The following ABCA13 variants were observed in gnomAD, a reference collection of about 807,000 sequenced individuals.
ABCA13 encodes the protein ATP binding cassette subfamily A member 13.
ABCA13 carries 476 observed loss-of-function variants against 478.7 expected under a neutral mutation model. The observed-to-expected ratio is 0.99, with a 90% confidence interval of 0.92 to 1.07. The LOEUF is 1.07. ABCA13 is among the 50% of genes least tolerant of loss of function. The pLI, the probability that ABCA13 is intolerant of heterozygous loss-of-function variation, is 0.00. For missense variants in ABCA13, 6,060 were observed against 5,910.6 expected, an observed-to-expected ratio of 1.03 and a Z score of -0.83; for synonymous variants, 2,252 against 2,158.9, an observed-to-expected ratio of 1.04 and a Z score of -1.20.
chr7:48,199,952 T>C (rs1332487764), intron 3 of ABCA13, among the ~76,000 whole-genome samples: 4 of 152,220 alleles, frequency 2.6e-5, no homozygotes, highest in African/African-American at 9.7e-5. Flanking sequence ...ACTTCAAGTG[T>C]TGTGAATGTT....
chr7:48,388,644 T>A (rs1209122487), intron 36 of ABCA13, among the ~76,000 whole-genome samples: 3 of 152,248 alleles, frequency 2.0e-5, no homozygotes, highest in Middle Eastern at 3.2e-3. Flanking sequence ...TTTTTCTGAA[T>A]TATGAATCTT....
intron 56 of ABCA13, among the ~76,000 whole-genome samples, chr7:48,581,150 GAACTAGAAGC>G (rs1788668931): frequency 6.6e-6 from 1 of 152,128 alleles, no homozygotes; most frequent in African/African-American, 2.4e-5. Flanking sequence ...TCTGGATTCT[GAACTAGAAGC>G]AGAAATAAGT....
intron 1 of ABCA13, among the ~76,000 whole-genome samples, chr7:48,189,229 AG>A (rs1796766537): frequency 6.6e-6 from 1 of 152,196 alleles, no homozygotes; most frequent in Admixed American, 6.5e-5. Flanking sequence ...CCTATTTAAC[AG>A]GGGTAAGATT....
chr7:48,211,540 G>A (rs1785649716), intron 3 of ABCA13, among the ~76,000 whole-genome samples: 1 of 152,104 alleles, frequency 6.6e-6, no homozygotes, highest in African/African-American at 2.4e-5. Flanking sequence ...GCACTCCCAT[G>A]GTACCATGTT....
intron 43 of ABCA13, 146 bp downstream of exon 43, chr7:48,455,432 C>G: frequency 7.9e-7 from 1 of 1,262,400 alleles, no homozygotes; most frequent in Non-Finnish European, 1.1e-6. Context: ...ACGAGGAGAT[C>G]CTTGGAGAAG....
intron 28 of ABCA13, among the ~76,000 whole-genome samples, chr7:48,336,772 A>G (rs1259786696): frequency 6.6e-6 from 1 of 152,226 alleles, no homozygotes; most frequent in Non-Finnish European, 1.5e-5. Flanking sequence ...CATATGTATT[A>G]GCTAGTATTG....
chr7:48,175,104 C>A (rs1794662255), intron 1 of ABCA13, among the ~76,000 whole-genome samples: 1 of 152,210 alleles, frequency 6.6e-6, no homozygotes, highest in South Asian at 2.1e-4. Flanking sequence ...AGTGCAATGC[C>A]ATCAACATTG....
At chr7:48,577,742 C>T (rs777877272) in intron 55 of ABCA13, among the ~76,000 whole-genome samples, 38 of 152,030 alleles carry the variant, frequency 2.5e-4, no homozygotes, top group Admixed American at 7.2e-4. Flanking sequence ...CCAGCATTAT[C>T]ATAATACTGA....
intron 1 of ABCA13, among the ~76,000 whole-genome samples, chr7:48,186,021 A>G (rs1235962586): frequency 6.6e-6 from 1 of 151,928 alleles, no homozygotes; most frequent in Non-Finnish European, 1.5e-5. Flanking sequence ...TTTGATATTA[A>G]CATAACTAAT....
At chr7:48,382,449 G>C (rs1052536275) in intron 35 of ABCA13, among the ~76,000 whole-genome samples, 3 of 152,120 alleles carry the variant, frequency 2.0e-5, no homozygotes, top group African/African-American at 7.2e-5. Flanking sequence ...GGGGAGTTGG[G>C]GGGCAGTCTT....
chr7:48,435,863 C>G (rs530090015), intron 42 of ABCA13, among the ~76,000 whole-genome samples: 2 of 149,540 alleles, frequency 1.3e-5, no homozygotes, highest in East Asian at 3.9e-4. Context: ...AGGAATAAAT[C>G]CTCCCTTGTC....
At chr7:48,341,771 A>G (rs965311995) in intron 29 of ABCA13, among the ~76,000 whole-genome samples, 10 of 147,246 alleles carry the variant, frequency 6.8e-5, no homozygotes, top group African/African-American at 2.3e-4. Context: ...TGAGATGAAT[A>G]CTTAAATTAT....
chr7:48,373,421 A>G (rs1162434177), intron 33 of ABCA13, among the ~76,000 whole-genome samples: 1 of 152,246 alleles, frequency 6.6e-6, no homozygotes, highest in Non-Finnish European at 1.5e-5. Flanking sequence ...ATTTGTCTTC[A>G]ACTTCAGTAA....
intron 15 of ABCA13, among the ~76,000 whole-genome samples, chr7:48,259,711 T>C (rs1022816902): frequency 4.5e-5 from 5 of 110,892 alleles, no homozygotes; most frequent in African/African-American, 2.2e-4. Context: ...ATGATCTATA[T>C]ACTTAAGTGT....
Position 48,372,207 on chromosome 7 carries a change from C to T in ABCA13, c.10843C>T (p.Leu3615=), listed in dbSNP as rs201536096. Residue 3615 remains leucine (L), a synonymous_variant, in exon 33 of 62, where the codon CTG becomes TTG. Coordinates refer to ENST00000435803, the MANE Select transcript of ABCA13 (RefSeq NM_152701.5). ...MMGVHPVIHF[L]AWFLENMAVL... Reference sequence around the variant, plus strand: ...GGGAGTGCATCCAGTGATCCATTTCCTGGCCTGGTTCCTGGAGAACATGGC... The same window carrying T: ...GGGAGTGCATCCAGTGATCCATTTCTTGGCCTGGTTCCTGGAGAACATGGC... 1.0e-4 allele frequency: 164 copies of T among 1,613,736 alleles called. No individual in the cohort carries two copies. In the African/African-American group the frequency reaches 2.0e-3, roughly 20 times the overall value.
At chr7:48,473,156 T>C (rs1303965727) in intron 45 of ABCA13, among the ~76,000 whole-genome samples, 5 of 152,152 alleles carry the variant, frequency 3.3e-5, no homozygotes, top group Admixed American at 2.6e-4. Context: ...TTATCTCCCA[T>C]TGGGGTCCCT....
intron 28 of ABCA13, among the ~76,000 whole-genome samples, chr7:48,337,073 C>T (rs1167280901): frequency 6.6e-6 from 1 of 152,182 alleles, no homozygotes; most frequent in African/African-American, 2.4e-5. Context: ...CATGTTCAAC[C>T]AGTTGAAGAA....
chr7:48,538,896 C>T (rs41523451), intron 55 of ABCA13, among the ~76,000 whole-genome samples: 10,257 of 152,134 alleles, frequency 0.067, 447 homozygotes, highest in African/African-American at 0.11. Context: ...AACTCTCTGT[C>T]GAAGAACCTG....
chr7:48,494,730 A>G (rs1830128167), intron 48 of ABCA13, among the ~76,000 whole-genome samples: 1 of 152,138 alleles, frequency 6.6e-6, no homozygotes, highest in Admixed American at 6.5e-5. Context: ...TATGAAAGAG[A>G]GGATAAAAGA....
Sources: allele counts gnomAD v4.1 joint callset (sites outside exome capture counted in the v4.1 genomes callset), GRCh38; gene constraint gnomAD v4.1.1; transcripts MANE v1.5; gene names NCBI Gene and HGNC (gene_info 2026-07-23, HGNC 2026-07-21).